ACSL5: variants seen among roughly 807,000 people sequenced by gnomAD.
ACSL5 encodes long-chain-fatty-acid--CoA ligase 5.
ACSL5 carries 50 observed loss-of-function variants against 84.9 expected under a neutral mutation model. That is an observed-to-expected ratio of 0.59 (90% CI 0.47 to 0.75). The LOEUF is 0.75. ACSL5 is among the 30% of genes least tolerant of loss of function. The pLI is 0.00. For synonymous variants in ACSL5, 280 were observed against 300.7 expected (o/e 0.93, Z 0.71); for missense variants, 775 against 830.4 (o/e 0.93, Z 0.82).
At chr10:112,402,668 C>T (rs1843935502) in intron 3 of ACSL5, among the ~76,000 whole-genome samples, 1 of 152,186 alleles carries the variant, frequency 6.6e-6, no homozygotes, top group East Asian at 1.9e-4. Flanking sequence ...GGTATCTCTT[C>T]CCTGCTTTCC....
chr10:112,401,253 A>G (rs1055048632), intron 3 of ACSL5, among the ~76,000 whole-genome samples: 1 of 152,162 alleles, frequency 6.6e-6, no homozygotes, highest in Non-Finnish European at 1.5e-5. Flanking sequence ...TTCTGGTCCT[A>G]TCTGGGGTTG....
At chr10:112,413,446 C>T (rs1361671883) in intron 12 of ACSL5, 139 bp downstream of exon 12, 5 of 1,134,644 alleles carry the variant, frequency 4.4e-6, no homozygotes, top group Non-Finnish European at 6.2e-6. Context: ...ACAATCCCCG[C>T]CAGGTGTGGT....
In ACSL5 at chr10:112,384,566, A is replaced by G. The variant is rs1849413417; in HGVS notation, c.-30+10297A>G. 2.0e-5 allele frequency among the ~76,000 whole-genome samples: 3 copies of G among 152,180 alleles called. No individual in the cohort carries two copies. In the South Asian group the frequency reaches 6.2e-4, roughly 32 times the overall value. ...TCTGTTGCCCTGGCTGGAGCGCAGT[A>G]GCACAATTACAGCTCACTGCAGCCT... On this transcript the variant is annotated intron_variant, in intron 1 of 20. Coordinates refer to ENST00000354655, the MANE Select transcript of ACSL5 (RefSeq NM_203379.2).
In ACSL5 at chr10:112,427,409, A is replaced by AT. The variant is rs1844776001; in HGVS notation, c.*52dup. 1.3e-6 allele frequency: 2 copies of AT among 1,497,608 alleles called. No individual in the cohort carries two copies. The highest frequency in any genetic ancestry group is 2.8e-5 in the African/African-American group (2 of 70,390). 92.8% of individuals were successfully genotyped at this position (1,497,608 alleles called of 1,614,324 possible). On this transcript the variant is annotated 3_prime_UTR_variant, in exon 21 of 21. Coordinates refer to ENST00000354655, the MANE Select transcript of ACSL5 (RefSeq NM_203379.2). Reference sequence around the variant, plus strand: ...CCCACTGTGCACTGCTTGTGAGAAAATGGATTAAAAACTATTCTTACATTT... The same window carrying AT: ...CCCACTGTGCACTGCTTGTGAGAAAATTGGATTAAAAACTATTCTTACATTT...
chr10:112,425,505 C>A, intron 18 of ACSL5, 24 bp downstream of exon 18: 1 of 1,563,238 alleles, frequency 6.4e-7, no homozygotes, highest in Admixed American at 1.8e-5. Context: ...TTAACAATAG[C>A]CCATTTCAGT....
intron 1 of ACSL5, among the ~76,000 whole-genome samples, chr10:112,387,422 G>A (rs749321292): frequency 1.7e-4 from 26 of 152,178 alleles, no homozygotes; most frequent in Admixed American, 1.3e-4. Flanking sequence ...CTAATGGTTT[G>A]TAATTTCATA....
chr10:112,425,833 C>A (rs1009447171), intron 18 of ACSL5, among the ~76,000 whole-genome samples: 35 of 151,640 alleles, frequency 2.3e-4, no homozygotes, highest in Admixed American at 2.1e-3. Flanking sequence ...CAAACTGTTG[C>A]AATATATATA....
At chr10:112,426,518 ACT>A (rs748577646) in intron 19 of ACSL5, 159 bp downstream of exon 19, 48 of 640,384 alleles carry the variant, frequency 7.5e-5, no homozygotes, top group Non-Finnish European at 1.2e-4. Flanking sequence ...AAAAAATAAA[ACT>A]CTCTTTTCTA....
rs752780302 is a variant in ACSL5, at chr10:112,426,360, G to A, written c.1839+1G>A. 8.1e-6 allele frequency: 13 copies of A among 1,613,734 alleles called. No individual in the cohort carries two copies. Among genetic ancestry groups the A allele is most frequent in the Non-Finnish European group, 1.1e-5 (13 of 1,179,696 alleles). ...CTTTGAGGAACTGTGCCAAAACCAA[G>A]TAAGTCTTGCCTAGGAAAGCTTTAT... On this transcript the variant is annotated splice_donor_variant, in intron 19 of 20. Coordinates refer to ENST00000354655, the MANE Select transcript of ACSL5 (RefSeq NM_203379.2). LOFTEE classifies it high-confidence loss of function.
At chr10:112,397,062 A>T (rs566282082) in intron 2 of ACSL5, among the ~76,000 whole-genome samples, 1 of 152,054 alleles carries the variant, frequency 6.6e-6, no homozygotes, top group East Asian at 1.9e-4. Context: ...GAGTTGGACC[A>T]CTGGACCACA....
intron 1 of ACSL5, among the ~76,000 whole-genome samples, chr10:112,383,081 C>T (rs1455780177): frequency 6.6e-6 from 1 of 152,128 alleles, no homozygotes; most frequent in Non-Finnish European, 1.5e-5. Flanking sequence ...CCAGGCTGGG[C>T]AACTTAGGGA....
Position 112,411,939 on chromosome 10 carries a change from C to T in ACSL5, c.908C>T (p.Ser303Phe). Residue 303 changes from serine (S) to phenylalanine (F), a missense_variant, in exon 11 of 21, where the codon TCC (serine) becomes TTC (phenylalanine). Ser to Phe is a radical substitution (Grantham distance 155, BLOSUM62 -2). Transcript: ENST00000354655. ...YEPTPDDVAI[S>F]YLPLAHMFER... ...CCCACTCCTGATGATGTGGCCATATCCTACCTCCCTCTGGCTCATATGTTT... is the reference window on the plus strand; with the variant it reads ...CCCACTCCTGATGATGTGGCCATATTCTACCTCCCTCTGGCTCATATGTTT... 1 of 1,614,074 alleles carries T rather than the reference C, an allele frequency of 6.2e-7. No homozygotes were observed. Among genetic ancestry groups the T allele is most frequent in the Non-Finnish European group, 8.5e-7 (1 of 1,179,904 alleles).
At chr10:112,394,209 C>G (rs1314226662) in intron 1 of ACSL5, among the ~76,000 whole-genome samples, 1 of 152,190 alleles carries the variant, frequency 6.6e-6, no homozygotes, top group Non-Finnish European at 1.5e-5. Flanking sequence ...CTCTTCAATG[C>G]TCACCACGTG....
At chr10:112,404,888 C>A (rs1201583459) in intron 5 of ACSL5, 82 bp downstream of exon 5, 21 of 1,226,548 alleles carry the variant, frequency 1.7e-5, no homozygotes, top group Non-Finnish European at 2.3e-5. Context: ...TCCAGCATTC[C>A]AACACTTGTT....
chr10:112,402,403 G>A (rs1220336220), intron 3 of ACSL5, among the ~76,000 whole-genome samples: 1 of 152,174 alleles, frequency 6.6e-6, no homozygotes, highest in Admixed American at 6.5e-5. Flanking sequence ...TGCCTGGCAT[G>A]GAGTAAGCAT....
chr10:112,427,367 ACT>A lies in ACSL5; in HGVS notation c.*10_*11del. On this transcript the variant is annotated 3_prime_UTR_variant, in exon 21 of 21. Coordinates refer to ENST00000354655, the MANE Select transcript of ACSL5 (RefSeq NM_203379.2). The stretch of plus-strand genomic sequence containing the variant: ...AGCACATCCAGGATTAGGATAAGGT[ACT>A]TAAGTACCTGCCGGCCCACTGTGCA... 6.2e-7 allele frequency: 1 copy of A among 1,606,248 alleles called. No homozygotes were observed. Among genetic ancestry groups the A allele is most frequent in the Non-Finnish European group, 8.5e-7 (1 of 1,176,598 alleles).
At chr10:112,381,228 C>T (rs1001092814) in intron 1 of ACSL5, among the ~76,000 whole-genome samples, 2 of 152,216 alleles carry the variant, frequency 1.3e-5, no homozygotes, top group African/African-American at 4.8e-5. Context: ...TCACTGCACA[C>T]ACTGAAGCAT....
intron 12 of ACSL5, among the ~76,000 whole-genome samples, chr10:112,415,939 A>G (rs74566528): frequency 6.6e-6 from 1 of 152,292 alleles, no homozygotes; most frequent in African/African-American, 2.4e-5. Context: ...GATGGAATGT[A>G]GGGTCACAGT....
Position 112,416,420 on chromosome 10 carries a change from G to A in ACSL5, c.1084-468G>A, listed in dbSNP as rs1171958204. ...TGGGAGGTGGAGCTTGCAGTGAGCC[G>A]AGATGGCGCCACTGCACTCCAGCCT... On this transcript the variant is annotated intron_variant, in intron 12 of 20. Coordinates refer to ENST00000354655, the MANE Select transcript of ACSL5 (RefSeq NM_203379.2). Among the ~76,000 whole-genome samples the A allele has an allele frequency of 4.3e-5, 6 of 140,894 alleles. No homozygotes were observed. The East Asian group carries it at 6.3e-4, about 15-fold the overall frequency. The allele number at this position is 140,894 out of a possible 152,430, so 92.4% of individuals were successfully genotyped here. A position where few individuals can be genotyped will look rare whatever the true frequency, so the allele number is the denominator to read the frequency against.
Sources: gnomAD v4.1 joint callset for allele counts (sites outside exome capture counted in the v4.1 genomes callset) on GRCh38, gnomAD v4.1.1 for gene constraint, MANE v1.5 for transcripts, NCBI Gene and HGNC (gene_info 2026-07-23, HGNC 2026-07-21) for gene names.